Variants in E2F2 observed in about 807,000 individuals in gnomAD.
E2F2 encodes transcription factor E2F2.
In E2F2, 22 loss-of-function variants were observed where a neutral mutation model predicts 42.2. The ratio of observed to expected loss-of-function variants is 0.52; its 90% CI spans 0.37 to 0.74. The LOEUF (loss-of-function observed/expected upper bound fraction) is 0.74, where lower values mean the gene tolerates loss of function less well. Ranked by LOEUF, E2F2 falls within the 30% of genes least tolerant of loss-of-function variation. E2F2 has a pLI of 0.00. For synonymous variants in E2F2, 248 were observed against 251.6 expected (o/e 0.99, Z 0.13); for missense variants, 481 against 557.8 (o/e 0.86, Z 1.39).
intron 6 of E2F2, among the ~76,000 whole-genome samples, chr1:23,515,002 A>C (rs1007259783): frequency 6.6e-6 from 1 of 152,188 alleles, no homozygotes; most frequent in Non-Finnish European, 1.5e-5. Flanking sequence ...ACCTGCAGGC[A>C]ATAGTTTATT....
rs540551802 is a variant in E2F2, at chr1:23,524,308, T to A, written c.358+75A>T. ...AACTGGAAAGTGATCCAAATATGAC[T>A]ACCAGTGATTGGGCAGGGCACTGCC... On this transcript the variant is annotated intron_variant, in intron 2 of 6. Coordinates refer to ENST00000361729, the MANE Select transcript of E2F2 (RefSeq NM_004091.4). 4 of 1,125,058 alleles carry A rather than the reference T, an allele frequency of 3.6e-6. No individual in the cohort carries two copies. In the African/African-American group the frequency reaches 6.4e-5, roughly 18 times the overall value. The allele number at this position is 1,125,058 out of a possible 1,614,324, so 69.7% of individuals were successfully genotyped here.
Position 23,530,232 on chromosome 1 carries a change from A to G in E2F2, c.252+310T>C, listed in dbSNP as rs1643315336. Among the ~76,000 whole-genome samples the G allele has an allele frequency of 6.6e-6, 1 of 152,256 alleles. No individual in the cohort carries two copies. Among genetic ancestry groups the G allele is most frequent in the Non-Finnish European group, 1.5e-5 (1 of 68,040 alleles). ...AATGAAGTAATGAATGAATGGCGGC[A>G]ACGCTGGCTGCATGGACTTCCCCAA... On this transcript the variant is annotated intron_variant, in intron 1 of 6. Coordinates refer to ENST00000361729, the MANE Select transcript of E2F2 (RefSeq NM_004091.4). This position sits in a 1 kb window ranked among gnomAD's most constrained non-coding sequence, Gnocchi z 4.4.
intron 6 of E2F2, among the ~76,000 whole-genome samples, chr1:23,512,847 C>T (rs2148690025): frequency 6.6e-6 from 1 of 151,606 alleles, no homozygotes; most frequent in South Asian, 2.1e-4. Flanking sequence ...GAGTCCCACT[C>T]TGTCGGTCAG....
Position 23,524,089 on chromosome 1 carries a change from C to CA in E2F2, c.358+293dup, listed in dbSNP as rs1320072066. On this transcript the variant is annotated intron_variant, in intron 2 of 6. Coordinates refer to ENST00000361729, the MANE Select transcript of E2F2 (RefSeq NM_004091.4). ...ACCTGTCTCACAACAACAACAACAACAACAACAACAACAACAAAAAAAAAC... is the reference window on the plus strand; with the variant it reads ...ACCTGTCTCACAACAACAACAACAACAAACAACAACAACAACAAAAAAAAAC... Among the ~76,000 whole-genome samples the CA allele has an allele frequency of 1.4e-3, 85 of 58,646 alleles. 9 individuals carry two copies. The highest frequency in any genetic ancestry group is 0.012 in the South Asian group (18 of 1,526). 38.5% of individuals were successfully genotyped at this position (58,646 alleles called of 152,430 possible).
intron 6 of E2F2, among the ~76,000 whole-genome samples, chr1:23,512,145 G>T (rs1324604455): frequency 2.0e-5 from 3 of 152,054 alleles, no homozygotes; most frequent in Non-Finnish European, 2.9e-5. Context: ...TTGTAGTGAG[G>T]CAAGATCACG....
chr1:23,521,075 G>A lies in E2F2; in HGVS notation c.579-4C>T. ...GTCTTCAAACATTCCCCTGCCTCTG[G>A]GAACAGAGCAGCCCCCCAGTGTCAG... is the stretch of plus-strand genomic sequence containing the variant. On this transcript the variant is annotated splice_polypyrimidine_tract_variant and splice_region_variant and intron_variant, in intron 3 of 6. Coordinates refer to ENST00000361729, the MANE Select transcript of E2F2 (RefSeq NM_004091.4). 1 of 1,607,314 alleles carries A rather than the reference G, an allele frequency of 6.2e-7. No individual in the cohort carries two copies. Among genetic ancestry groups the A allele is most frequent in the Non-Finnish European group, 8.5e-7 (1 of 1,177,016 alleles).
At chr1:23,528,891 T>C (rs1281870434) in intron 1 of E2F2, among the ~76,000 whole-genome samples, 6 of 152,088 alleles carry the variant, frequency 3.9e-5, no homozygotes, top group Non-Finnish European at 8.8e-5. Context: ...TTAAAAAAAG[T>C]CAAGGCTACA....
At chr1:23,523,912 A>G (rs1237608222) in intron 2 of E2F2, among the ~76,000 whole-genome samples, 1 of 152,048 alleles carries the variant, frequency 6.6e-6, no homozygotes, top group Non-Finnish European at 1.5e-5. Flanking sequence ...TGTCTCTACT[A>G]AAAATACAAA....
intron 6 of E2F2, among the ~76,000 whole-genome samples, chr1:23,512,869 G>A (rs910624142): frequency 6.6e-6 from 1 of 151,516 alleles, no homozygotes; most frequent in Admixed American, 6.6e-5. Context: ...CTGGAGTGCA[G>A]TGGTGTAATC....
At chr1:23,524,623 G>A in intron 1 of E2F2, 135 bp from the exon 2 acceptor site, 1 of 666,628 alleles carries the variant, frequency 1.5e-6, no homozygotes, top group Non-Finnish European at 2.6e-6. Flanking sequence ...TCCTGGTGAA[G>A]CACTGCTGTA....
rs3221150 is a variant in E2F2, at chr1:23,526,851, G to GCACACACACACA, written c.253-2375_253-2364dup. On this transcript the variant is annotated intron_variant, in intron 1 of 6. Transcript: ENST00000361729. ...CCTGCCCCCATCACTGCATGTACTT[G>GCACACACACACA]CACACACACACACACACACACACAC... Among the ~76,000 whole-genome samples the GCACACACACACA allele has an allele frequency of 4.0e-3, 591 of 148,818 alleles. 5 individuals carry two copies. Among genetic ancestry groups the GCACACACACACA allele is most frequent in the East Asian group, 0.021 (106 of 4,940 alleles).
At chr1:23,521,514 G>A (rs1016020279) in intron 3 of E2F2, 7 of 982,290 alleles carry the variant, frequency 7.1e-6, no homozygotes, top group Non-Finnish European at 8.5e-6. Context: ...TAGAAGAAGT[G>A]GATATTGGGA....
intron 1 of E2F2, among the ~76,000 whole-genome samples, chr1:23,525,619 G>A (rs1436231036): frequency 3.9e-5 from 6 of 152,278 alleles, no homozygotes; most frequent in East Asian, 1.9e-4. Flanking sequence ...TAATCCCCGC[G>A]TGGCTTCCCT....
chr1:23,526,937 A>G (rs1643260806), intron 1 of E2F2, among the ~76,000 whole-genome samples: 1 of 151,976 alleles, frequency 6.6e-6, no homozygotes, highest in African/African-American at 2.4e-5. Flanking sequence ...CAGGGTCCCA[A>G]TGCGGCAAGT....
At chr1:23,510,959 C>A (rs2148687557) in intron 6 of E2F2, among the ~76,000 whole-genome samples, 1 of 152,292 alleles carries the variant, frequency 6.6e-6, no homozygotes, top group South Asian at 2.1e-4. Flanking sequence ...TACTCTCCAC[C>A]ACACACAACT....
rs186730245 is a variant in E2F2 at position 23,507,303 on chromosome 1, G to A, written c.*2577C>T. 68 of 152,278 alleles carry A rather than the reference G, an allele frequency of 4.5e-4. 1 individual carries two copies. In the East Asian group the frequency reaches 9.7e-3, roughly 22 times the overall value. The allele number at this position is 152,278 out of a possible 1,614,324, so 9.4% of individuals were successfully genotyped here. On this transcript the variant is annotated 3_prime_UTR_variant, in exon 7 of 7. Transcript: ENST00000361729. The stretch of plus-strand genomic sequence containing the variant: ...GAGGCCGAGGTGGTGGATCACTTGA[G>A]GTCAGGAGTTCAAGACCAGCCTGAC...
In E2F2 at chr1:23,527,307, T is replaced by A. The variant is rs1267318839; in HGVS notation, c.253-2819A>T. Among the ~76,000 whole-genome samples, 5 of 152,164 alleles carry A rather than the reference T, an allele frequency of 3.3e-5. No individual in the cohort carries two copies. The East Asian group carries it at 9.6e-4, about 29-fold the overall frequency. ...GAGCACCAGTGGGAAAAGGGGAAAG[T>A]TCAAGGGTGAGCTGAAAAGAGACTG... On this transcript the variant is annotated intron_variant, in intron 1 of 6. Coordinates refer to ENST00000361729, the MANE Select transcript of E2F2 (RefSeq NM_004091.4).
At chr1:23,506,247 G>A (rs567148678), downstream of E2F2, among the ~76,000 whole-genome samples, 19 of 152,186 alleles carry the variant, frequency 1.2e-4, no homozygotes, top group African/African-American at 3.4e-4. Flanking sequence ...TGGGTGCTGC[G>A]AACTTTTCAG....
chr1:23,512,128 G>C lies in E2F2; in HGVS notation c.1046-1980C>G, dbSNP rs569317986. Among the ~76,000 whole-genome samples the C allele has an allele frequency of 1.3e-4, 20 of 152,280 alleles. No individual in the cohort carries two copies. In the South Asian group the frequency reaches 4.1e-3, roughly 32 times the overall value. On this transcript the variant is annotated intron_variant, in intron 6 of 6. Coordinates refer to ENST00000361729, the MANE Select transcript of E2F2 (RefSeq NM_004091.4). ...AAGGAGAATCATTGGAACCCAGGAG[G>C]TGGAGGTTGTAGTGAGGCAAGATCA... is the stretch of plus-strand genomic sequence containing the variant.
Sources: gnomAD v4.1 joint callset for allele counts (sites outside exome capture counted in the v4.1 genomes callset) on GRCh38, gnomAD v4.1.1 for gene constraint, Gnocchi (gnomAD v3.1) non-coding constraint, MANE v1.5 for transcripts, NCBI Gene and HGNC (gene_info 2026-07-23, HGNC 2026-07-21) for gene names.